SLX9: variants seen among roughly 807,000 people sequenced by gnomAD.
SLX9 encodes the protein SLX9 ribosome biogenesis factor.
SLX9 carries 19 observed loss-of-function variants against 20.8 expected under a neutral mutation model. The ratio of observed to expected loss-of-function variants is 0.91; its 90% CI spans 0.64 to 1.34. The LOEUF (loss-of-function observed/expected upper bound fraction) is 1.34, where lower values mean the gene tolerates loss of function less well. Among genes scored for constraint, SLX9 ranks in the 40% most tolerant of loss-of-function variants. The probability of loss-of-function intolerance (pLI) is 0.00; values close to 1 mark genes in which losing one functional copy is unlikely to be tolerated. For missense variants in SLX9, 299 were observed against 322.2 expected (o/e 0.93, Z 0.55); for synonymous variants, 113 against 137.1 (o/e 0.82, Z 1.23).
intron 5 of SLX9, 137 bp from the exon 6 acceptor site, chr21:44,976,543 T>C: frequency 7.4e-7 from 1 of 1,355,388 alleles, no homozygotes; most frequent in Non-Finnish European, 9.8e-7. Flanking sequence ...TGCCGGAAGT[T>C]TCCGAGGCCC....
intron 2 of SLX9, among the ~76,000 whole-genome samples, chr21:44,957,902 G>A (rs1009273586): frequency 2.0e-5 from 3 of 152,238 alleles, no homozygotes; most frequent in Non-Finnish European, 2.9e-5. Flanking sequence ...TGAGCCGCCC[G>A]TGCAGCAGGT....
intron 2 of SLX9, among the ~76,000 whole-genome samples, chr21:44,944,309 G>A (rs1023965223): frequency 3.3e-5 from 5 of 152,170 alleles, no homozygotes; most frequent in African/African-American, 9.7e-5. Context: ...AGATCCATGC[G>A]CAGCCCTTCC....
intron 4 of SLX9, among the ~76,000 whole-genome samples, chr21:44,968,189 A>T (rs983463909): frequency 1.3e-5 from 2 of 151,664 alleles, no homozygotes; most frequent in Admixed American, 6.6e-5. Flanking sequence ...TCACCCAGTG[A>T]CACAACCCCG....
intron 2 of SLX9, among the ~76,000 whole-genome samples, chr21:44,951,156 T>G (rs949891598): frequency 1.1e-4 from 17 of 152,280 alleles, no homozygotes; most frequent in Non-Finnish European, 2.4e-4. Flanking sequence ...CAGCCTCTTC[T>G]GTGCCTGTGT....
At chr21:44,970,104 C>A (rs564811461) in intron 4 of SLX9, among the ~76,000 whole-genome samples, 2 of 152,210 alleles carry the variant, frequency 1.3e-5, no homozygotes, top group Non-Finnish European at 2.9e-5. Flanking sequence ...TTGAGACCCC[C>A]CCTCCATGCT....
intron 2 of SLX9, among the ~76,000 whole-genome samples, chr21:44,955,932 C>G (rs757765258): frequency 4.1e-4 from 62 of 152,226 alleles, no homozygotes; most frequent in Non-Finnish European, 8.2e-4. Context: ...CAGACACCGC[C>G]GGGAGCAGCA....
At position 44,945,005 on chromosome 21, in the gene SLX9, C is replaced by T. The variant is rs1039604433; in HGVS notation, c.283+1168C>T. Among the ~76,000 whole-genome samples the T allele has an allele frequency of 1.3e-5, 2 of 152,216 alleles. 1 individual carries two copies. Among genetic ancestry groups the T allele is most frequent in the Non-Finnish European group, 2.9e-5 (2 of 68,030 alleles). Reference sequence around the variant, plus strand: ...AGGCGCCCGCTCTGCATCTGTTGAACGAGGCTGGTCTGGTGGGAAGGCTGG... The same window carrying T: ...AGGCGCCCGCTCTGCATCTGTTGAATGAGGCTGGTCTGGTGGGAAGGCTGG... On this transcript the variant is annotated intron_variant, in intron 2 of 5. Transcript: ENST00000291634.
rs542770045 is a variant in SLX9 at position 44,945,376 on chromosome 21, G to T, written c.283+1539G>T. 4.5e-4 allele frequency among the ~76,000 whole-genome samples: 68 copies of T among 152,342 alleles called. 1 individual carries two copies. Among genetic ancestry groups the T allele is most frequent in the African/African-American group, 1.5e-3 (64 of 41,582 alleles). ...AGGCCCTTAAGGCTGTCCCCAAGGG[G>T]ATGGGAGTCGTGGGTCTCAGTGACC... is the stretch of plus-strand genomic sequence containing the variant. On this transcript the variant is annotated intron_variant, in intron 2 of 5. Coordinates refer to ENST00000291634, the MANE Select transcript of SLX9 (RefSeq NM_058190.4).
Position 44,973,283 on chromosome 21 carries a change from C to T in SLX9, c.569+18C>T, listed in dbSNP as rs772296522. 8.1e-6 allele frequency: 13 copies of T among 1,611,152 alleles called. No homozygotes were observed. Among genetic ancestry groups the T allele is most frequent in the South Asian group, 5.5e-5 (5 of 90,978 alleles). On this transcript the variant is annotated intron_variant, in intron 5 of 5. Coordinates refer to ENST00000291634, the MANE Select transcript of SLX9 (RefSeq NM_058190.4). ...CAGCTTCTGTGAGTGCACCTGCCCA[C>T]CTCCTCAGGGGTTCAGCTCCTGAGT...
Position 44,940,323 on chromosome 21 carries a change from G to A in SLX9, c.129+137G>A, listed in dbSNP as rs951605116. ...CGGGCATTTGCTGCGCTACAGACGC[G>A]ACCTTCTTGCTTCGCGAAGCGTCGT... On this transcript the variant is annotated intron_variant, in intron 1 of 5. Transcript: ENST00000291634. 26 of 1,152,312 alleles carry A rather than the reference G, an allele frequency of 2.3e-5. No individual in the cohort carries two copies. In the African/African-American group the frequency reaches 3.7e-4, roughly 16 times the overall value. 71.4% of individuals were successfully genotyped at this position (1,152,312 alleles called of 1,614,324 possible).
chr21:44,974,353 A>G (rs13048235), intron 5 of SLX9, among the ~76,000 whole-genome samples: 61,085 of 152,020 alleles, frequency 0.4, 14,765 homozygotes, highest in South Asian at 0.69. Flanking sequence ...GAGTACAGTT[A>G]TGTTGGGAAG....
chr21:44,962,920 T>C (rs1228971758), intron 3 of SLX9, among the ~76,000 whole-genome samples: 1 of 152,184 alleles, frequency 6.6e-6, no homozygotes, highest in Non-Finnish European at 1.5e-5. Context: ...AGCATTTACA[T>C]GTGCTTACTG....
intron 3 of SLX9, among the ~76,000 whole-genome samples, chr21:44,965,441 A>T (rs1453393101): frequency 6.6e-6 from 1 of 152,148 alleles, no homozygotes; most frequent in East Asian, 1.9e-4. Context: ...CGGATTTATC[A>T]TTGAGTGTCT....
intron 2 of SLX9, among the ~76,000 whole-genome samples, chr21:44,953,611 G>A (rs1339128716): frequency 6.6e-6 from 1 of 152,242 alleles, no homozygotes; most frequent in Admixed American, 6.5e-5. Context: ...GACTGAAGCA[G>A]TTCTCTGGGG....
intron 2 of SLX9, among the ~76,000 whole-genome samples, chr21:44,951,013 C>T (rs1041626979): frequency 1.3e-5 from 2 of 152,142 alleles, no homozygotes; most frequent in Non-Finnish European, 2.9e-5. Context: ...ACTGGGTACA[C>T]GTGTCGTGGG....
chr21:44,969,205 A>G (rs764327250), intron 4 of SLX9: 9 of 470,036 alleles, frequency 1.9e-5, no homozygotes, highest in South Asian at 1.4e-4. Context: ...CTGCAGGCCC[A>G]GGCAGCTCCA....
In SLX9 at chr21:44,973,207, A is replaced by C. The variant is rs146094101; in HGVS notation, c.511A>C (p.Asn171His). Residue 171 changes from asparagine to histidine, a missense_variant, in exon 5 of 6, where the codon AAC (asparagine) becomes CAC (histidine). Asn to His is a moderately conservative substitution (Grantham distance 68). Transcript: ENST00000291634. ...SRRQARSRES[N>H]KPRPSELSRM... Reference sequence around the variant, plus strand: ...TCTCTGTGTCCACAGCAGGGAGAGCAACAAGCCCCGGCCCTCAGAGCTCAG... The same window carrying C: ...TCTCTGTGTCCACAGCAGGGAGAGCCACAAGCCCCGGCCCTCAGAGCTCAG... The C allele has an allele frequency of 6.2e-7, 1 of 1,613,120 alleles. No individual in the cohort carries two copies. The highest frequency in any genetic ancestry group is 8.5e-7 in the Non-Finnish European group (1 of 1,179,750).
At chr21:44,972,839 G>A (rs1463883686) in intron 4 of SLX9, among the ~76,000 whole-genome samples, 1 of 152,034 alleles carries the variant, frequency 6.6e-6, no homozygotes, top group Non-Finnish European at 1.5e-5. Context: ...GGGTGGAGAC[G>A]CTGTATATCG....
rs1334651244 is a variant in SLX9 at position 44,948,282 on chromosome 21, GCT to G, written c.283+4446_283+4447del. On this transcript the variant is annotated intron_variant, in intron 2 of 5. Coordinates refer to ENST00000291634, the MANE Select transcript of SLX9 (RefSeq NM_058190.4). Reference sequence around the variant, plus strand: ...CGTGAAGCATCGGGCGGTCCGGGGAGCTGGTCGTGGAGCATCGGGCGGTCCGG... The same window carrying G: ...CGTGAAGCATCGGGCGGTCCGGGGAGGGTCGTGGAGCATCGGGCGGTCCGG... 5.1e-3 allele frequency among the ~76,000 whole-genome samples: 746 copies of G among 146,474 alleles called. 20 individuals are homozygous for G. Among genetic ancestry groups the G allele is most frequent in the Non-Finnish European group, 4.8e-3 (321 of 66,824 alleles).
Sources: allele counts gnomAD v4.1 joint callset (sites outside exome capture counted in the v4.1 genomes callset), GRCh38; gene constraint gnomAD v4.1.1; transcripts MANE v1.5; gene names NCBI Gene and HGNC (gene_info 2026-07-23, HGNC 2026-07-21).